Variants in KCNT2 observed in about 807,000 individuals in gnomAD.
The protein encoded by KCNT2 is potassium channel subfamily T member 2.
Under a neutral mutation model 153.8 loss-of-function variants are expected in KCNT2, and 67 were observed. The observed-to-expected ratio is 0.44, with a 90% CI of 0.36 to 0.53. KCNT2 has a LOEUF of 0.53. Ranked by LOEUF, KCNT2 falls within the 20% of genes least tolerant of loss-of-function variation. KCNT2 has a pLI of 0.00. For synonymous variants in KCNT2, 500 were observed against 458.8 expected (o/e 1.09, Z -1.15); for missense variants, 975 against 1,354.8 (o/e 0.72, Z 4.40).
chr1:196,517,405 G>T (rs1288431153), intron 1 of KCNT2, among the ~76,000 whole-genome samples: 1 of 152,128 alleles, frequency 6.6e-6, no homozygotes, highest in Admixed American at 6.5e-5. Context: ...CTCTGACAAG[G>T]GTTCTTAACC....
intron 21 of KCNT2, 94 bp downstream of exon 21, chr1:196,315,798 T>C (rs530547067): frequency 3.9e-6 from 4 of 1,026,522 alleles, no homozygotes; most frequent in East Asian, 2.7e-5. Flanking sequence ...AAAGTTGGTG[T>C]GTCTCATGTT....
At chr1:196,551,588 ATCT>A (rs1345948004) in intron 1 of KCNT2, among the ~76,000 whole-genome samples, 2 of 151,742 alleles carry the variant, frequency 1.3e-5, no homozygotes, top group Non-Finnish European at 2.9e-5. Context: ...TTAGAGAGAC[ATCT>A]TCTAAATCAT....
At chr1:196,248,295 G>T (rs1332231749) in intron 26 of KCNT2, among the ~76,000 whole-genome samples, 4 of 151,162 alleles carry the variant, frequency 2.6e-5, no homozygotes, top group Non-Finnish European at 5.9e-5. Flanking sequence ...AAACAATAAA[G>T]GTATGAGCAG....
chr1:196,366,450 C>T (rs971923072), intron 14 of KCNT2, among the ~76,000 whole-genome samples: 1 of 152,110 alleles, frequency 6.6e-6, no homozygotes, highest in Non-Finnish European at 1.5e-5. Context: ...TGAGCCACCA[C>T]ACCCGGCTTT....
intron 22 of KCNT2, among the ~76,000 whole-genome samples, chr1:196,294,892 G>A (rs552657898): frequency 1.8e-4 from 27 of 151,818 alleles, no homozygotes; most frequent in African/African-American, 5.8e-4. Context: ...ATGGTTACCA[G>A]AGACTGGTGG....
intron 5 of KCNT2, among the ~76,000 whole-genome samples, chr1:196,475,527 G>A (rs532179939): frequency 9.2e-5 from 14 of 151,852 alleles, no homozygotes; most frequent in South Asian, 2.1e-4. Context: ...AGGGTGAGGC[G>A]AGCGGATCTA....
rs575118795 is a variant in KCNT2 at position 196,499,694 on chromosome 1, T to C, written c.96-7353A>G. On this transcript the variant is annotated intron_variant, in intron 1 of 27. Coordinates refer to ENST00000294725, the MANE Select transcript of KCNT2 (RefSeq NM_198503.5). ...CCAACTTAATCTACCTTATGATTAA[T>C]GTCATTTCCCCACAGATTTTGTAAA... is the stretch of plus-strand genomic sequence containing the variant. Among the ~76,000 whole-genome samples the C allele has an allele frequency of 2.0e-5, 3 of 152,348 alleles. No homozygotes were observed. The East Asian group carries it at 5.8e-4, about 29-fold the overall frequency.
At chr1:196,390,582 G>GT (rs1403896730) in intron 13 of KCNT2, among the ~76,000 whole-genome samples, 7 of 150,796 alleles carry the variant, frequency 4.6e-5, no homozygotes, top group East Asian at 3.9e-4. Flanking sequence ...CTCCTATGAG[G>GT]TTTTTTTTGT....
intron 1 of KCNT2, among the ~76,000 whole-genome samples, chr1:196,564,578 C>G (rs2148932427): frequency 6.6e-6 from 1 of 151,826 alleles, no homozygotes; most frequent in Non-Finnish European, 1.5e-5. Flanking sequence ...TCAAAGGAAC[C>G]ACACTATCTG....
At chr1:196,331,514 T>C (rs1047550138) in intron 17 of KCNT2, among the ~76,000 whole-genome samples, 3 of 152,032 alleles carry the variant, frequency 2.0e-5, no homozygotes, top group African/African-American at 7.2e-5. Flanking sequence ...TAGTATTTCA[T>C]GTCATGCGAA....
chr1:196,324,166 A>G (rs1663614633), intron 19 of KCNT2, among the ~76,000 whole-genome samples: 1 of 151,954 alleles, frequency 6.6e-6, no homozygotes. Flanking sequence ...CAAACCCTAC[A>G]AGAATTATTT....
intron 10 of KCNT2, among the ~76,000 whole-genome samples, 170 bp from the exon 11 acceptor site, chr1:196,426,158 T>G (rs1403407441): frequency 6.6e-6 from 1 of 152,090 alleles, no homozygotes; most frequent in African/African-American, 2.4e-5. Flanking sequence ...GCAATTACAC[T>G]ATAATAAATA....
intron 8 of KCNT2, among the ~76,000 whole-genome samples, chr1:196,457,945 A>G (rs1375918946): frequency 6.6e-6 from 1 of 151,878 alleles, no homozygotes; most frequent in Non-Finnish European, 1.5e-5. Context: ...GAATTAGAAG[A>G]TAAGGCTCTG....
intron 14 of KCNT2, among the ~76,000 whole-genome samples, chr1:196,348,926 C>T (rs1048406617): frequency 6.6e-6 from 1 of 151,768 alleles, no homozygotes; most frequent in African/African-American, 2.4e-5. Flanking sequence ...GCCTGTAATC[C>T]CAGCTACTCC....
chr1:196,259,166 A>T (rs923865185), intron 25 of KCNT2, among the ~76,000 whole-genome samples: 3 of 152,286 alleles, frequency 2.0e-5, no homozygotes, highest in African/African-American at 7.2e-5. Context: ...TGTAAATATT[A>T]ATGTTTCACA....
chr1:196,422,630 C>T (rs563269970), intron 12 of KCNT2, among the ~76,000 whole-genome samples: 3 of 151,774 alleles, frequency 2.0e-5, no homozygotes, highest in African/African-American at 7.3e-5. Context: ...TTGTTGATTA[C>T]CACCCCAAAT....
intron 17 of KCNT2, among the ~76,000 whole-genome samples, chr1:196,332,778 T>C (rs2148111231): frequency 6.7e-6 from 1 of 150,260 alleles, no homozygotes; most frequent in Non-Finnish European, 1.5e-5. Context: ...AAATAAATTA[T>C]TGGCTAGTTT....
At chr1:196,451,771 A>C (rs1307001483) in intron 8 of KCNT2, among the ~76,000 whole-genome samples, 4 of 151,684 alleles carry the variant, frequency 2.6e-5, no homozygotes, top group Admixed American at 6.6e-5. Context: ...TTGTTATTTA[A>C]ATATCATTTG....
intron 19 of KCNT2, among the ~76,000 whole-genome samples, chr1:196,326,511 C>T (rs952021972): frequency 1.3e-5 from 2 of 151,962 alleles, no homozygotes; most frequent in Non-Finnish European, 2.9e-5. Flanking sequence ...CTCAGAATAT[C>T]CCAGTTTTAA....
Sources: gnomAD v4.1 joint callset for allele counts (sites outside exome capture counted in the v4.1 genomes callset) on GRCh38, gnomAD v4.1.1 for gene constraint, MANE v1.5 for transcripts, NCBI Gene and HGNC (gene_info 2026-07-23, HGNC 2026-07-21) for gene names.